Variants in SAMD4A observed in about 807,000 individuals in gnomAD.
SAMD4A encodes the protein protein Smaug homolog 1.
A neutral mutation model predicts 81.3 loss-of-function variants in SAMD4A; 33 were observed. The observed-to-expected ratio is 0.41, with a 90% confidence interval of 0.31 to 0.54. The LOEUF (loss-of-function observed/expected upper bound fraction) is 0.54, where lower values mean the gene tolerates loss of function less well. Ranked by LOEUF, SAMD4A falls within the 20% of genes least tolerant of loss-of-function variation. SAMD4A has a pLI of 0.37. For missense variants in SAMD4A, 854 were observed against 951.1 expected, an observed-to-expected ratio of 0.90 and a Z score of 1.34; for synonymous variants, 389 against 382.1, an observed-to-expected ratio of 1.02 and a Z score of -0.21.
intron 12 of SAMD4A, 49 bp downstream of exon 12, chr14:54,784,669 T>A: frequency 6.6e-7 from 1 of 1,508,132 alleles, no homozygotes. Context: ...ACCGTGTGCC[T>A]GGGAGAACTG....
At chr14:54,704,216 T>G (rs555042632) in intron 3 of SAMD4A, among the ~76,000 whole-genome samples, 2 of 152,332 alleles carry the variant, frequency 1.3e-5, no homozygotes, top group South Asian at 4.1e-4. Flanking sequence ...CAGGAACAGT[T>G]TACTCGTCTC....
intron 2 of SAMD4A, chr14:54,652,833 C>T (rs986241391): frequency 6.6e-6 from 1 of 152,110 alleles, no homozygotes; most frequent in Non-Finnish European, 1.5e-5. Flanking sequence ...CACGAGACCT[C>T]GCATTTGGTA....
intron 2 of SAMD4A, among the ~76,000 whole-genome samples, chr14:54,620,296 A>T (rs371509464): frequency 1.1e-3 from 170 of 152,274 alleles, no homozygotes; most frequent in African/African-American, 3.8e-3. Context: ...ATTAAAAGAA[A>T]AAGCAAACAG....
chr14:54,647,385 G>GT (rs2035308719), intron 2 of SAMD4A, among the ~76,000 whole-genome samples: 2 of 152,196 alleles, frequency 1.3e-5, no homozygotes, highest in South Asian at 4.1e-4. Flanking sequence ...TCCCCGGCTA[G>GT]TAAGTGGCAG....
At chr14:54,679,212 G>A (rs761781679) in intron 2 of SAMD4A, among the ~76,000 whole-genome samples, 48 of 152,132 alleles carry the variant, frequency 3.2e-4, no homozygotes, top group Non-Finnish European at 6.5e-4. Flanking sequence ...TGTCTACAAT[G>A]CATTGGACCA....
At chr14:54,565,707 C>A (rs1193805910), upstream of SAMD4A, among the ~76,000 whole-genome samples, 10 of 152,118 alleles carry the variant, frequency 6.6e-5, no homozygotes, top group African/African-American at 2.4e-4. This position sits in a 1 kb window ranked among gnomAD's most constrained non-coding sequence, Gnocchi z 5.4. Flanking sequence ...CAGCGGGTGG[C>A]AGCACCGCCC....
At chr14:54,569,518 C>T (rs1235833009) in intron 2 of SAMD4A, among the ~76,000 whole-genome samples, 1 of 152,192 alleles carries the variant, frequency 6.6e-6, no homozygotes. Flanking sequence ...CCAGGACTCA[C>T]TGGGGTGGCG....
chr14:54,633,682 C>T (rs2034959847), intron 2 of SAMD4A, among the ~76,000 whole-genome samples: 1 of 151,974 alleles, frequency 6.6e-6, no homozygotes, highest in Non-Finnish European at 1.5e-5. Context: ...AGATAGGACT[C>T]AAGGACTATG....
intron 2 of SAMD4A, among the ~76,000 whole-genome samples, chr14:54,660,884 C>G (rs1438750488): frequency 6.6e-6 from 1 of 152,220 alleles, no homozygotes; most frequent in African/African-American, 2.4e-5. Context: ...CTGTTAACAT[C>G]TGAATTTCTG....
intron 9 of SAMD4A, 110 bp downstream of exon 9, chr14:54,770,332 A>G: frequency 1.3e-6 from 1 of 755,880 alleles, no homozygotes; most frequent in Non-Finnish European, 2.3e-6. Context: ...TTGTTCACGA[A>G]GATGCCCTGT....
At chr14:54,715,400 G>T (rs1399556577) in intron 3 of SAMD4A, among the ~76,000 whole-genome samples, 1 of 152,128 alleles carries the variant, frequency 6.6e-6, no homozygotes, top group Non-Finnish European at 1.5e-5. Flanking sequence ...TTTGGGCTGG[G>T]TGGGGGAGGA....
At chr14:54,736,046 G>A (rs993308050) in intron 3 of SAMD4A, among the ~76,000 whole-genome samples, 2 of 152,202 alleles carry the variant, frequency 1.3e-5, no homozygotes, top group Admixed American at 1.3e-4. Context: ...AGAATGTTAT[G>A]AATAGACTTA....
chr14:54,643,842 G>GT (rs937739421), intron 2 of SAMD4A, among the ~76,000 whole-genome samples: 63 of 152,072 alleles, frequency 4.1e-4, no homozygotes, highest in Non-Finnish European at 5.0e-4. Context: ...TTAGTCACAG[G>GT]TTTTTTTTGT....
intron 2 of SAMD4A, among the ~76,000 whole-genome samples, chr14:54,610,788 A>G (rs531805964): frequency 7.2e-5 from 11 of 152,302 alleles, no homozygotes; most frequent in Middle Eastern, 6.8e-3. Flanking sequence ...GCTCCAGTGC[A>G]TTTTTTAGGG....
At chr14:54,609,511 A>G (rs80280767) in intron 2 of SAMD4A, among the ~76,000 whole-genome samples, 1,633 of 152,354 alleles carry the variant, frequency 0.011, 30 homozygotes, top group African/African-American at 0.037. Flanking sequence ...GCCAATTGGA[A>G]AAGAATACAA....
chr14:54,770,610 A>AT (rs71131228), intron 9 of SAMD4A, among the ~76,000 whole-genome samples: 5 of 152,236 alleles, frequency 3.3e-5, no homozygotes, highest in East Asian at 1.9e-4. Flanking sequence ...TGGTAGTGTG[A>AT]TTTTTTTCCC....
At chr14:54,781,691 G>T (rs552991765) in intron 11 of SAMD4A, among the ~76,000 whole-genome samples, 1 of 152,340 alleles carries the variant, frequency 6.6e-6, no homozygotes, top group African/African-American at 2.4e-5. Flanking sequence ...GGATAAATGA[G>T]ATGGGCCCTC....
intron 2 of SAMD4A, chr14:54,681,732 T>C: frequency 1.0e-6 from 1 of 960,982 alleles, no homozygotes; most frequent in Non-Finnish European, 1.2e-6. Flanking sequence ...ACGCCCTGCC[T>C]TTTAGAAAAC....
rs112842205 is a variant in SAMD4A, at chr14:54,608,514, G to A, written c.196+40402G>A. ...ACAGAAAATAGCTTGCCTCTGTATC[G>A]CCCCGGGAAATATTGGAAAATGCCA... On this transcript the variant is annotated intron_variant, in intron 2 of 12. Coordinates refer to ENST00000554335, the MANE Select transcript of SAMD4A (RefSeq NM_015589.6). 7.9e-5 allele frequency among the ~76,000 whole-genome samples: 12 copies of A among 152,282 alleles called. 1 individual carries two copies. In the South Asian group the frequency reaches 8.3e-4, roughly 11 times the overall value.
Sources: gnomAD v4.1 joint callset for allele counts (sites outside exome capture counted in the v4.1 genomes callset) on GRCh38, gnomAD v4.1.1 for gene constraint, Gnocchi (gnomAD v3.1) non-coding constraint, MANE v1.5 for transcripts, NCBI Gene and HGNC (gene_info 2026-07-23, HGNC 2026-07-21) for gene names.